The following TENT2 variants were observed in gnomAD, a reference collection of about 807,000 sequenced individuals.
TENT2 encodes terminal nucleotidyltransferase 2.
A neutral mutation model predicts 72.2 loss-of-function variants in TENT2; 44 were observed. The observed-to-expected ratio is 0.61, with a 90% confidence interval of 0.48 to 0.78. TENT2 has a LOEUF of 0.78. Among genes scored for constraint, TENT2 ranks in the 30% least tolerant of loss-of-function variants. TENT2 has a pLI of 0.00. For synonymous variants in TENT2, 212 were observed against 192.5 expected (o/e 1.10, Z -0.84); for missense variants, 541 against 569.6 (o/e 0.95, Z 0.51).
intron 11 of TENT2, among the ~76,000 whole-genome samples, chr5:79,657,788 T>C (rs1798963833): frequency 6.6e-6 from 1 of 152,202 alleles, no homozygotes; most frequent in Non-Finnish European, 1.5e-5. Context: ...AATGTTTGAC[T>C]ACTCTTCTGA....
intron 11 of TENT2, among the ~76,000 whole-genome samples, chr5:79,668,457 G>A (rs1810276836): frequency 6.6e-6 from 1 of 152,102 alleles, no homozygotes; most frequent in South Asian, 2.1e-4. Flanking sequence ...TTTGGGAGAA[G>A]TTTGAAGTGA....
intron 5 of TENT2, 24 bp from the exon 6 acceptor site, chr5:79,641,079 CTT>C (rs1784102374): frequency 6.5e-7 from 1 of 1,537,634 alleles, no homozygotes; most frequent in Non-Finnish European, 8.7e-7. Flanking sequence ...TTTAAATACT[CTT>C]ATTACTTTCT....
chr5:79,645,341 T>G (rs1787944972), intron 8 of TENT2, 149 bp downstream of exon 8: 4 of 656,046 alleles, frequency 6.1e-6, no homozygotes, highest in Middle Eastern at 4.4e-4. Flanking sequence ...TTTGAAATGG[T>G]TTTTTAAAAT....
rs765704956 is a variant in TENT2, at chr5:79,642,833, G to GT, written c.681dup (p.Gln228SerfsTer7). ...AACACTTTATTTTTAACTTTTCAGT[G>GT]TTTTTTTCAGGTAAATCAGAAGACT... is the stretch of plus-strand genomic sequence containing the variant. On this transcript the variant is annotated frameshift_variant and splice_region_variant, in exon 7 of 15. Transcript: ENST00000453514. LOFTEE classifies it high-confidence loss of function. The GT allele has an allele frequency of 1.7e-4, 275 of 1,606,980 alleles. 1 individual carries two copies. Among genetic ancestry groups the GT allele is most frequent in the African/African-American group, 4.8e-4 (36 of 74,782 alleles).
At chr5:79,625,553 C>G (rs897558141) in intron 4 of TENT2, among the ~76,000 whole-genome samples, 6 of 151,896 alleles carry the variant, frequency 4.0e-5, no homozygotes, top group African/African-American at 1.5e-4. Flanking sequence ...CCTGCCCCGC[C>G]TATGTGTTAT....
intron 1 of TENT2, among the ~76,000 whole-genome samples, chr5:79,618,629 G>A (rs1369653430): frequency 1.3e-5 from 2 of 151,512 alleles, no homozygotes; most frequent in South Asian, 2.1e-4. Flanking sequence ...TCCTGACATC[G>A]TTTCTGTTTA....
intron 11 of TENT2, among the ~76,000 whole-genome samples, chr5:79,660,078 G>T (rs1801594307): frequency 6.6e-6 from 1 of 151,926 alleles, no homozygotes; most frequent in Non-Finnish European, 1.5e-5. Flanking sequence ...GAATAAATTT[G>T]TTCAGTATAC....
chr5:79,635,596 C>A (rs929463483), intron 4 of TENT2, among the ~76,000 whole-genome samples: 1 of 151,952 alleles, frequency 6.6e-6, no homozygotes, highest in African/African-American at 2.4e-5. Context: ...GCTCTGTTGC[C>A]CAGGCTGGAG....
intron 4 of TENT2, among the ~76,000 whole-genome samples, chr5:79,639,573 G>A (rs1782827670): frequency 6.6e-6 from 1 of 151,762 alleles, no homozygotes; most frequent in Non-Finnish European, 1.5e-5. Flanking sequence ...ATAAGAGAGT[G>A]GTTCAAGGGA....
At chr5:79,634,719 T>C (rs1310460848) in intron 4 of TENT2, among the ~76,000 whole-genome samples, 1 of 152,022 alleles carries the variant, frequency 6.6e-6, no homozygotes, top group Non-Finnish European at 1.5e-5. Flanking sequence ...AATTTTATAG[T>C]GATAGATCTT....
At chr5:79,670,908 C>G (rs1433280768) in intron 12 of TENT2, among the ~76,000 whole-genome samples, 1 of 151,246 alleles carries the variant, frequency 6.6e-6, no homozygotes, top group African/African-American at 2.4e-5. Context: ...AGTTGGGATT[C>G]ACTTTCAAGC....
intron 11 of TENT2, among the ~76,000 whole-genome samples, chr5:79,658,030 A>T (rs146028368): frequency 6.6e-6 from 1 of 152,230 alleles, no homozygotes; most frequent in East Asian, 1.9e-4. Context: ...GGTTTTGAAC[A>T]TAAGTTATTA....
intron 11 of TENT2, among the ~76,000 whole-genome samples, chr5:79,666,701 C>T (rs1808389973): frequency 6.6e-6 from 1 of 151,968 alleles, no homozygotes; most frequent in Non-Finnish European, 1.5e-5. Flanking sequence ...TTCTGTTTGC[C>T]TGGAGATGGA....
chr5:79,643,505 A>G (rs552846362), intron 7 of TENT2, among the ~76,000 whole-genome samples: 43 of 152,190 alleles, frequency 2.8e-4, no homozygotes, highest in Non-Finnish European at 5.0e-4. Flanking sequence ...AATTTTATAG[A>G]AAGTTGAAGT....
chr5:79,653,724 A>G (rs958929235), intron 10 of TENT2, among the ~76,000 whole-genome samples: 1 of 152,170 alleles, frequency 6.6e-6, no homozygotes, highest in Non-Finnish European at 1.5e-5. Context: ...CCTCCCTAGA[A>G]GAAATGAGAT....
chr5:79,623,479 C>T lies in TENT2; in HGVS notation c.455C>T (p.Ala152Val), dbSNP rs1766765367. The change falls in exon 4 of 15, where the codon GCC becomes GTC. Residue 152 changes from alanine to valine, a missense_variant. Physicochemically the swap from Ala to Val is moderately conservative, Grantham distance 64 (BLOSUM62 0). Coordinates refer to ENST00000453514, the MANE Select transcript of TENT2 (RefSeq NM_001114394.3). ...CCTAGAGAAATCACACTGCCTGAGGCCAAAGATAAGGTAATAATAATGTAG... is the reference window on the plus strand; with the variant it reads ...CCTAGAGAAATCACACTGCCTGAGGTCAAAGATAAGGTAATAATAATGTAG... ...LEPREITLPE[A>V]KDKLSQQILE... 14 of 1,597,626 alleles carry T rather than the reference C, an allele frequency of 8.8e-6. No individual in the cohort carries two copies. Among genetic ancestry groups the T allele is most frequent in the Non-Finnish European group, 1.2e-5 (14 of 1,168,956 alleles).
chr5:79,655,404 A>T (rs1181689401), intron 10 of TENT2, among the ~76,000 whole-genome samples: 1 of 152,120 alleles, frequency 6.6e-6, no homozygotes, highest in Non-Finnish European at 1.5e-5. Context: ...TGGTACCAGA[A>T]TGAGATAAAG....
rs554283929 is a variant in TENT2, at chr5:79,621,751, C to CT, written c.228-1500dup. 5.3e-5 allele frequency among the ~76,000 whole-genome samples: 7 copies of CT among 132,096 alleles called. No individual in the cohort carries two copies. The South Asian group carries it at 1.4e-3, about 27-fold the overall frequency. 86.7% of individuals were successfully genotyped at this position (132,096 alleles called of 152,430 possible). On this transcript the variant is annotated intron_variant, in intron 3 of 14. Coordinates refer to ENST00000453514, the MANE Select transcript of TENT2 (RefSeq NM_001114394.3). ...CCAGCCTGGGCAACAGAGCGAGACT[C>CT]TATCTCAAAAAAAAAAAAAAACAAA...
intron 10 of TENT2, among the ~76,000 whole-genome samples, chr5:79,649,860 T>C (rs1416232212): frequency 6.6e-6 from 1 of 152,196 alleles, no homozygotes. Context: ...CTTACTTTCA[T>C]ATTTCTCAAA....
Sources: allele counts gnomAD v4.1 joint callset (sites outside exome capture counted in the v4.1 genomes callset), GRCh38; gene constraint gnomAD v4.1.1; transcripts MANE v1.5; gene names NCBI Gene and HGNC (gene_info 2026-07-23, HGNC 2026-07-21).